HTRA1: variants seen among roughly 807,000 people sequenced by gnomAD.
The protein encoded by HTRA1 is serine protease HTRA1.
In HTRA1, 26 loss-of-function variants were observed where a neutral mutation model predicts 49.7. The observed-to-expected ratio is 0.52, with a 90% CI of 0.38 to 0.73. The LOEUF (loss-of-function observed/expected upper bound fraction) is 0.73. Among genes scored for constraint, HTRA1 ranks in the 30% least tolerant of loss-of-function variants. HTRA1 has a pLI of 0.00. For missense variants in HTRA1, 561 were observed against 667.2 expected (o/e 0.84, Z 1.75); for synonymous variants, 291 against 286.9 (o/e 1.01, Z -0.14).
chr10:122,493,786 T>G (rs1202531352), intron 3 of HTRA1, among the ~76,000 whole-genome samples: 2 of 152,116 alleles, frequency 1.3e-5, no homozygotes, highest in Non-Finnish European at 2.9e-5. Flanking sequence ...ACCAGGACCT[T>G]GAGGGCCCCA....
chr10:122,503,887 T>C (rs920389222), intron 3 of HTRA1, among the ~76,000 whole-genome samples: 2 of 152,196 alleles, frequency 1.3e-5, no homozygotes, highest in African/African-American at 4.8e-5. Context: ...TGATCACTGG[T>C]GGTGCCCATT....
At chr10:122,474,916 A>G (rs2097487750) in intron 1 of HTRA1, among the ~76,000 whole-genome samples, 1 of 152,192 alleles carries the variant, frequency 6.6e-6, no homozygotes. Flanking sequence ...GAGTCTGAAA[A>G]GTGATTTTCA....
At position 122,485,176 on chromosome 10, in the gene HTRA1, T is replaced by C. The variant is rs79522456; in HGVS notation, c.473-3726T>C. ...AGCCAAATATTTCTTCTTCTTTCAG[T>C]TGACATTTTGTCCATCTTTGAACTG... On this transcript the variant is annotated intron_variant, in intron 1 of 8. Coordinates refer to ENST00000368984, the MANE Select transcript of HTRA1 (RefSeq NM_002775.5). Among the ~76,000 whole-genome samples the C allele has an allele frequency of 1.1e-3, 165 of 152,392 alleles. 2 individuals carry two copies. In the East Asian group the frequency reaches 0.03, roughly 28 times the overall value.
chr10:122,492,909 C>G (rs1466612220), intron 3 of HTRA1, among the ~76,000 whole-genome samples: 1 of 152,162 alleles, frequency 6.6e-6, no homozygotes, highest in African/African-American at 2.4e-5. Context: ...CATGGTGAAG[C>G]TGCTGTAGCC....
At chr10:122,466,580 A>C (rs1414031116) in intron 1 of HTRA1, among the ~76,000 whole-genome samples, 1 of 152,238 alleles carries the variant, frequency 6.6e-6, no homozygotes, top group East Asian at 1.9e-4. Context: ...AATAAAACAA[A>C]GTCACTGCCC....
Position 122,462,118 on chromosome 10 carries a change from G to C in HTRA1, c.466G>C (p.Gly156Arg), listed in dbSNP as rs772637355. The C allele has an allele frequency of 7.8e-6, 12 of 1,532,966 alleles. No individual in the cohort carries two copies. In the Admixed American group the frequency reaches 2.4e-4, roughly 30 times the overall value. 95.0% of individuals were successfully genotyped at this position (1,532,966 alleles called of 1,614,324 possible). A position where few individuals can be genotyped will look rare whatever the true frequency, so the allele number is the denominator to read the frequency against. ...PVIVLQRGAC[G>R]QGQEDPNSLR... Reference sequence around the variant, plus strand: ...CATCGTCCTGCAGCGCGGAGCCTGCGGCCAAGGTACTCCGCCGCGCTCCTG... The same window carrying C: ...CATCGTCCTGCAGCGCGGAGCCTGCCGCCAAGGTACTCCGCCGCGCTCCTG... Residue 156 changes from glycine (G) to arginine (R), a missense_variant, in exon 1 of 9, where the codon GGC becomes CGC. Gly to Arg is a moderately radical substitution (Grantham distance 125). Around this residue, in one of 3 missense-constraint regions of HTRA1, gnomAD observed 271 missense variants for 410.0 expected, o/e 0.66. Coordinates refer to ENST00000368984, the MANE Select transcript of HTRA1 (RefSeq NM_002775.5).
chr10:122,477,722 G>C (rs964238391), intron 1 of HTRA1, among the ~76,000 whole-genome samples: 1 of 152,226 alleles, frequency 6.6e-6, no homozygotes, highest in Non-Finnish European at 1.5e-5. Flanking sequence ...GCACATAGCT[G>C]TGGGGGCCCA....
chr10:122,490,332 A>T lies in HTRA1; in HGVS notation c.777+706A>T, dbSNP rs1380123977. Among the ~76,000 whole-genome samples the T allele has an allele frequency of 2.0e-5, 3 of 152,328 alleles. No individual in the cohort carries two copies. Among genetic ancestry groups the T allele is most frequent in the African/African-American group, 7.2e-5 (3 of 41,590 alleles). Reference sequence around the variant, plus strand: ...GGCAGAACTGAGACATACCAAAATCAGTTTGGGAAATGCTGTATTTGAAAA... The same window carrying T: ...GGCAGAACTGAGACATACCAAAATCTGTTTGGGAAATGCTGTATTTGAAAA... On this transcript the variant is annotated intron_variant, in intron 3 of 8. Coordinates refer to ENST00000368984, the MANE Select transcript of HTRA1 (RefSeq NM_002775.5). This position sits in a 1 kb window ranked among gnomAD's most constrained non-coding sequence, Gnocchi z 4.2.
Position 122,512,025 on chromosome 10 carries a change from G to A in HTRA1, c.1234G>A (p.Ala412Thr). 2 of 1,613,922 alleles carry A rather than the reference G, an allele frequency of 1.2e-6. No individual in the cohort carries two copies. Among genetic ancestry groups the A allele is most frequent in the Non-Finnish European group, 1.7e-6 (2 of 1,179,850 alleles). The change falls in exon 8 of 9, where the codon GCG (alanine) becomes ACG (threonine). Residue 412 changes from alanine (A) to threonine (T), a missense_variant. Physicochemically the swap from Ala to Thr is moderately conservative, Grantham distance 58. Coordinates refer to ENST00000368984, the MANE Select transcript of HTRA1 (RefSeq NM_002775.5). ...HRDFPDVISG[A>T]YIIEVIPDTP... ...GGACTTCCCAGACGTGATCTCAGGA[G>A]CGTATATAATTGAAGTAATTCCTGA...
chr10:122,468,402 GTCATCA>G (rs148200348), intron 1 of HTRA1, among the ~76,000 whole-genome samples: 57,954 of 148,478 alleles, frequency 0.39, 11,573 homozygotes, highest in Middle Eastern at 0.45. Context: ...TGTTGTCATT[GTCATCA>G]TCATCATCAT....
chr10:122,484,830 T>C (rs1178507989), intron 1 of HTRA1, among the ~76,000 whole-genome samples: 1 of 152,194 alleles, frequency 6.6e-6, no homozygotes, highest in East Asian at 1.9e-4. Flanking sequence ...CTCATGCTGA[T>C]AGACGAGGAA....
rs765343239 is a variant in HTRA1 at position 122,506,934 on chromosome 10, G to C, written c.972+49G>C. 17 of 1,537,122 alleles carry C rather than the reference G, an allele frequency of 1.1e-5. No homozygotes were observed. In the South Asian group the frequency reaches 1.7e-4, roughly 15 times the overall value. ...TGGGGATTGGGGCAGAGTTTTGCCA[G>C]GGGGAGAGGAGTCAGCATAGGTCTT... On this transcript the variant is annotated intron_variant, in intron 4 of 8. Coordinates refer to ENST00000368984, the MANE Select transcript of HTRA1 (RefSeq NM_002775.5). This position sits in a 1 kb window ranked among gnomAD's most constrained non-coding sequence, Gnocchi z 5.2.
At chr10:122,492,740 C>T (rs903023855) in intron 3 of HTRA1, among the ~76,000 whole-genome samples, 1 of 152,186 alleles carries the variant, frequency 6.6e-6, no homozygotes, top group Non-Finnish European at 1.5e-5. Flanking sequence ...CAGCAACAGC[C>T]GGCATTTCAC....
intron 3 of HTRA1, 92 bp downstream of exon 3, chr10:122,489,718 T>C: frequency 2.5e-6 from 3 of 1,224,448 alleles, no homozygotes; most frequent in Non-Finnish European, 3.5e-6. Flanking sequence ...CAGCTGATTC[T>C]CGGGGGGCAC....
At chr10:122,500,948 C>A (rs2097500620) in intron 3 of HTRA1, among the ~76,000 whole-genome samples, 1 of 152,162 alleles carries the variant, frequency 6.6e-6, no homozygotes, top group African/African-American at 2.4e-5. Context: ...GTCCCCTGTC[C>A]CTGTGGAGTG....
Position 122,461,803 on chromosome 10 carries a change from G to C in HTRA1, c.151G>C (p.Glu51Gln), listed in dbSNP as rs914489150. 6 of 1,064,554 alleles carry C rather than the reference G, an allele frequency of 5.6e-6. No homozygotes were observed. The highest frequency in any genetic ancestry group is 1.7e-5 in the African/African-American group (1 of 58,582). 65.9% of individuals were successfully genotyped at this position (1,064,554 alleles called of 1,614,324 possible). ...CEPARCPPQP[E>Q]HCEGGRARDA... ...GCCGGCGCGCTGCCCGCCGCAGCCG[G>C]AGCACTGCGAGGGCGGCCGGGCCCG... The change falls in exon 1 of 9, where the codon GAG becomes CAG. Residue 51 changes from glutamate to glutamine, a missense_variant. Physicochemically the swap from Glu to Gln is conservative, Grantham distance 29 (BLOSUM62 2). Coordinates refer to ENST00000368984, the MANE Select transcript of HTRA1 (RefSeq NM_002775.5).
chr10:122,461,638 GC>G lies in HTRA1; in HGVS notation c.-13del. 7.7e-7 allele frequency: 1 copy of G among 1,298,022 alleles called. No homozygotes were observed. Among genetic ancestry groups the G allele is most frequent in the Non-Finnish European group, 9.9e-7 (1 of 1,005,138 alleles). The allele number at this position is 1,298,022 out of a possible 1,614,324, so 80.4% of individuals were successfully genotyped here. A position where few individuals can be genotyped will look rare whatever the true frequency, so the allele number is the denominator to read the frequency against. ...CGCCCTGTCCGCCGCCACCGCCGCC[GC>G]CGCCAGAGTCGCCATGCAGATCCCG... On this transcript the variant is annotated 5_prime_UTR_variant, in exon 1 of 9. Transcript: ENST00000368984.
Position 122,461,945 on chromosome 10 carries a change from C to T in HTRA1, c.293C>T (p.Ser98Leu). ...QCVVPFGVPA[S>L]ATVRRRAQAG... Reference sequence around the variant, plus strand: ...GTGGTGCCCTTCGGGGTGCCAGCCTCGGCCACGGTGCGGCGGCGCGCGCAG... The same window carrying T: ...GTGGTGCCCTTCGGGGTGCCAGCCTTGGCCACGGTGCGGCGGCGCGCGCAG... The change falls in exon 1 of 9, where the codon TCG becomes TTG. Residue 98 changes from serine (S) to leucine (L), a missense_variant. This residue lies in a region of HTRA1 where 271 missense variants were observed against 410.0 expected (regional missense o/e 0.66). Transcript: ENST00000368984. 2 of 1,486,870 alleles carry T rather than the reference C, an allele frequency of 1.3e-6. No individual in the cohort carries two copies. The highest frequency in any genetic ancestry group is 1.8e-6 in the Non-Finnish European group (2 of 1,125,666). The allele number at this position is 1,486,870 out of a possible 1,614,324, so 92.1% of individuals were successfully genotyped here. A position where few individuals can be genotyped will look rare whatever the true frequency, so the allele number is the denominator to read the frequency against.
chr10:122,470,389 G>A (rs1335675926), intron 1 of HTRA1, among the ~76,000 whole-genome samples: 1 of 152,152 alleles, frequency 6.6e-6, no homozygotes, highest in East Asian at 1.9e-4. Context: ...GAGGAGCTTC[G>A]TCAACTCCTA....
Sources: allele counts gnomAD v4.1 joint callset (sites outside exome capture counted in the v4.1 genomes callset), GRCh38; gene constraint gnomAD v4.1.1; regional missense constraint gnomAD v4.1.1; non-coding constraint Gnocchi (gnomAD v3.1); transcripts MANE v1.5; gene names NCBI Gene and HGNC (gene_info 2026-07-23, HGNC 2026-07-21).